BCL2L13: variants seen among roughly 807,000 people sequenced by gnomAD.
The protein encoded by BCL2L13 is bcl-2-like protein 13.
A neutral mutation model predicts 25.8 loss-of-function variants in BCL2L13; 13 were observed. The ratio of observed to expected loss-of-function variants is 0.50; its 90% confidence interval spans 0.33 to 0.80. BCL2L13 has a LOEUF of 0.80. BCL2L13 is among the 30% of genes least tolerant of loss of function. BCL2L13 has a pLI of 0.02. For synonymous variants in BCL2L13, 244 were observed against 230.3 expected, an observed-to-expected ratio of 1.06 and a Z score of -0.54; for missense variants, 504 against 574.9, an observed-to-expected ratio of 0.88 and a Z score of 1.26.
intron 2 of BCL2L13, among the ~76,000 whole-genome samples, chr22:17,668,657 G>T (rs1252005459): frequency 2.0e-5 from 3 of 151,988 alleles, no homozygotes; most frequent in African/African-American, 7.2e-5. Context: ...AGTAGAGATG[G>T]GGTTTCACCA....
intron 4 of BCL2L13, among the ~76,000 whole-genome samples, chr22:17,689,573 G>T (rs903158240): frequency 6.6e-6 from 1 of 152,228 alleles, no homozygotes; most frequent in Non-Finnish European, 1.5e-5. Context: ...GACCGGGCGC[G>T]GTGGCTCACG....
intron 2 of BCL2L13, among the ~76,000 whole-genome samples, chr22:17,679,754 C>G (rs2059679749): frequency 6.6e-6 from 1 of 152,068 alleles, no homozygotes; most frequent in Non-Finnish European, 1.5e-5. Flanking sequence ...CAAATTTGCC[C>G]ACTTTGAATT....
Position 17,717,380 on chromosome 22 carries a change from C to CAAAAAAAAAAAAAA in BCL2L13, c.601-9291_601-9290insAAAAAAAAAAAAAA, listed in dbSNP as rs371314290. Among the ~76,000 whole-genome samples, 30 of 126,232 alleles carry CAAAAAAAAAAAAAA rather than the reference C, an allele frequency of 2.4e-4. 2 individuals carry two copies. Among genetic ancestry groups the CAAAAAAAAAAAAAA allele is most frequent in the South Asian group, 4.4e-4 (2 of 4,520 alleles). 82.8% of individuals were successfully genotyped at this position (126,232 alleles called of 152,430 possible). ...GGGGCAACAGAGTGAGACTCTGTCTCAAAAAAGATCCAATGTTGTTGTTCC... is the reference window on the plus strand; with the variant it reads ...GGGGCAACAGAGTGAGACTCTGTCTCAAAAAAAAAAAAAAAAAAAAGATCCAATGTTGTTGTTCC... On this transcript the variant is annotated intron_variant, in intron 6 of 6. Coordinates refer to ENST00000317582, the MANE Select transcript of BCL2L13 (RefSeq NM_015367.4).
chr22:17,667,370 C>T (rs970468054), intron 2 of BCL2L13, among the ~76,000 whole-genome samples: 5 of 152,112 alleles, frequency 3.3e-5, no homozygotes, highest in Admixed American at 2.0e-4. Context: ...TGGGTTTCGC[C>T]ATGTTGGTCA....
At chr22:17,662,317 A>C (rs1211100561) in intron 2 of BCL2L13, among the ~76,000 whole-genome samples, 1 of 152,118 alleles carries the variant, frequency 6.6e-6, no homozygotes, top group African/African-American at 2.4e-5. Context: ...TCTCTACTGA[A>C]AAAAACAAAA....
At chr22:17,635,680 A>G (rs1341459270), upstream of BCL2L13, among the ~76,000 whole-genome samples, 1 of 152,098 alleles carries the variant, frequency 6.6e-6, no homozygotes, top group Non-Finnish European at 1.5e-5. Flanking sequence ...GTTTCTGAGC[A>G]GCCTGGGGAA....
chr22:17,676,917 ATT>A (rs1346604707), intron 2 of BCL2L13, among the ~76,000 whole-genome samples: 1 of 152,208 alleles, frequency 6.6e-6, no homozygotes, highest in East Asian at 1.9e-4. Context: ...TGCATAATAG[ATT>A]GTTTTATGTA....
At chr22:17,721,176 A>AT (rs1226407007) in intron 6 of BCL2L13, among the ~76,000 whole-genome samples, 10 of 151,464 alleles carry the variant, frequency 6.6e-5, no homozygotes, top group African/African-American at 1.5e-4. Flanking sequence ...TCTCAAAAAA[A>AT]AAAAATATAT....
chr22:17,664,186 A>G (rs2059161062), intron 2 of BCL2L13, among the ~76,000 whole-genome samples: 1 of 151,074 alleles, frequency 6.6e-6, no homozygotes, highest in African/African-American at 2.4e-5. Flanking sequence ...GGGTTTCACC[A>G]TCTTGGCCGG....
At chr22:17,683,882 T>C (rs1415417676) in intron 3 of BCL2L13, among the ~76,000 whole-genome samples, 1 of 132,578 alleles carries the variant, frequency 7.5e-6, no homozygotes, top group South Asian at 2.5e-4. Context: ...ATTATTATTA[T>C]TACTATTTCA....
chr22:17,630,998 G>A (rs1363829409), intron 1 of BCL2L13, among the ~76,000 whole-genome samples: 1 of 151,990 alleles, frequency 6.6e-6, no homozygotes, highest in Non-Finnish European at 1.5e-5. Flanking sequence ...TACTGCATTA[G>A]TGATCATGTC....
chr22:17,728,532 C>T lies in BCL2L13; in HGVS notation c.*998C>T, dbSNP rs2061351837. 1 of 152,168 alleles carries T rather than the reference C, an allele frequency of 6.6e-6. No homozygotes were observed. Among genetic ancestry groups the T allele is most frequent in the Non-Finnish European group, 1.5e-5 (1 of 68,036 alleles). 9.4% of individuals were successfully genotyped at this position (152,168 alleles called of 1,614,324 possible). On this transcript the variant is annotated 3_prime_UTR_variant, in exon 7 of 7. Coordinates refer to ENST00000317582, the MANE Select transcript of BCL2L13 (RefSeq NM_015367.4). ...GCAACATCTCTATTGCTGGATGGTCCCTGTCTATAACCTTGGGCTAGTATA... is the reference window on the plus strand; with the variant it reads ...GCAACATCTCTATTGCTGGATGGTCTCTGTCTATAACCTTGGGCTAGTATA...
chr22:17,668,484 G>A (rs1486958349), intron 2 of BCL2L13, among the ~76,000 whole-genome samples: 1 of 147,548 alleles, frequency 6.8e-6, no homozygotes, highest in East Asian at 2.0e-4. Context: ...ATGGAGTCTC[G>A]CTCTGTCGCC....
intron 6 of BCL2L13, among the ~76,000 whole-genome samples, chr22:17,707,689 G>A (rs903076886): frequency 5.3e-5 from 8 of 152,068 alleles, no homozygotes; most frequent in African/African-American, 1.9e-4. Flanking sequence ...AATGATAGAG[G>A]TTTGTTGGCA....
Position 17,727,384 on chromosome 22 carries a change from G to T in BCL2L13, c.1308G>T (p.Pro436=). The T allele has an allele frequency of 6.2e-7, 1 of 1,614,216 alleles. No individual in the cohort carries two copies. Among genetic ancestry groups the T allele is most frequent in the Non-Finnish European group, 8.5e-7 (1 of 1,180,030 alleles). ...SPASEKKPVP[P]SEGKSRLSPA... is the part of the protein sequence containing the mutation. Reference sequence around the variant, plus strand: ...CCAGCGAGAAGAAGCCCGTGCCGCCGTCTGAGGGCAAGTCTAGACTGTCCC... The same window carrying T: ...CCAGCGAGAAGAAGCCCGTGCCGCCTTCTGAGGGCAAGTCTAGACTGTCCC... The change falls in exon 7 of 7, where the codon CCG becomes CCT. Residue 436 remains proline, a synonymous_variant. Transcript: ENST00000317582.
chr22:17,714,324 C>T (rs1445660979), intron 6 of BCL2L13, among the ~76,000 whole-genome samples: 2 of 151,658 alleles, frequency 1.3e-5, no homozygotes, highest in Non-Finnish European at 2.9e-5. Flanking sequence ...TGATGGCGCA[C>T]ACCTGTAATC....
chr22:17,664,997 A>G (rs1217634243), intron 2 of BCL2L13, among the ~76,000 whole-genome samples: 7 of 152,218 alleles, frequency 4.6e-5, no homozygotes, highest in Admixed American at 2.6e-4. Context: ...TGTTTTGGCA[A>G]TTAGCATTTG....
At chr22:17,685,857 C>T (rs1165957899) in intron 3 of BCL2L13, among the ~76,000 whole-genome samples, 5 of 140,024 alleles carry the variant, frequency 3.6e-5, no homozygotes, top group South Asian at 2.4e-4. Flanking sequence ...CTGCAAGCTC[C>T]GCCTCCCAGC....
chr22:17,685,046 G>A (rs138186616), intron 3 of BCL2L13, among the ~76,000 whole-genome samples: 1 of 151,366 alleles, frequency 6.6e-6, no homozygotes, highest in Non-Finnish European at 1.5e-5. Context: ...GTAATTTTTT[G>A]TACGTTTAAT....
Sources: allele counts gnomAD v4.1 joint callset (sites outside exome capture counted in the v4.1 genomes callset), GRCh38; gene constraint gnomAD v4.1.1; transcripts MANE v1.5; gene names NCBI Gene and HGNC (gene_info 2026-07-23, HGNC 2026-07-21).